Variants in GOLIM4 observed in about 807,000 individuals in gnomAD.
GOLIM4 encodes the protein golgi integral membrane protein 4, also known as 130 kDa golgi-localized phosphoprotein.
In GOLIM4, 71 loss-of-function variants were observed where a neutral mutation model predicts 107.4. The ratio of observed to expected loss-of-function variants is 0.66; its 90% CI spans 0.55 to 0.81. The LOEUF (loss-of-function observed/expected upper bound fraction) is 0.81, where lower values mean the gene tolerates loss of function less well. Among genes scored for constraint, GOLIM4 ranks in the 30% least tolerant of loss-of-function variants. The probability of loss-of-function intolerance (pLI) is 0.00; values close to 1 mark genes in which losing one functional copy is unlikely to be tolerated. For synonymous variants in GOLIM4, 327 were observed against 294.8 expected, an observed-to-expected ratio of 1.11 and a Z score of -1.12; for missense variants, 830 against 826.1, an observed-to-expected ratio of 1.00 and a Z score of -0.06.
intron 11 of GOLIM4, among the ~76,000 whole-genome samples, chr3:168,028,517 C>T (rs1560074900): frequency 2.0e-5 from 3 of 152,194 alleles, no homozygotes; most frequent in South Asian, 2.1e-4. Flanking sequence ...AATGATGATA[C>T]GGGGTAACTT....
At chr3:168,034,562 A>G (rs560850702) in intron 8 of GOLIM4, among the ~76,000 whole-genome samples, 32 of 152,234 alleles carry the variant, frequency 2.1e-4, no homozygotes, top group Non-Finnish European at 4.1e-4. Flanking sequence ...AATTATTCCC[A>G]TAACTTGGAG....
intron 1 of GOLIM4, among the ~76,000 whole-genome samples, chr3:168,068,551 G>A (rs993804521): frequency 5.9e-5 from 9 of 151,616 alleles, no homozygotes; most frequent in East Asian, 1.9e-4. Flanking sequence ...GTAAGATACC[G>A]CAATGTTAAC....
At chr3:168,043,634 A>G in intron 4 of GOLIM4, 105 bp from the exon 5 acceptor site, 1 of 828,894 alleles carries the variant, frequency 1.2e-6, no homozygotes. Flanking sequence ...AAGCAAGCAC[A>G]AACACATGAA....
In GOLIM4 at chr3:168,015,940, G is replaced by A. The variant is rs1203545774; in HGVS notation, c.1861-5117C>T. On this transcript the variant is annotated intron_variant, in intron 14 of 15. Coordinates refer to ENST00000470487, the MANE Select transcript of GOLIM4 (RefSeq NM_014498.5). Reference sequence around the variant, plus strand: ...TTAGACCTAAAACCATAAAAACCCTGGAAGAAAACCTAGGCATTACCATTC... The same window carrying A: ...TTAGACCTAAAACCATAAAAACCCTAGAAGAAAACCTAGGCATTACCATTC... 4.2e-4 allele frequency among the ~76,000 whole-genome samples: 55 copies of A among 132,152 alleles called. 2 individuals carry two copies. The highest frequency in any genetic ancestry group is 6.2e-4 in the Non-Finnish European group (42 of 67,246). The allele number at this position is 132,152 out of a possible 152,430, so 86.7% of individuals were successfully genotyped here.
At chr3:168,010,479 C>A in intron 15 of GOLIM4, 61 bp from the exon 16 acceptor site, 1 of 1,171,582 alleles carries the variant, frequency 8.5e-7, no homozygotes, top group East Asian at 2.4e-5. Flanking sequence ...ATAAATAATT[C>A]TCTCTAAAAA....
At chr3:168,038,913 G>A (rs1718811290) in intron 7 of GOLIM4, among the ~76,000 whole-genome samples, 1 of 152,152 alleles carries the variant, frequency 6.6e-6, no homozygotes, top group Non-Finnish European at 1.5e-5. Flanking sequence ...CCCTTGCAAA[G>A]GGATCCAGGA....
intron 5 of GOLIM4, among the ~76,000 whole-genome samples, chr3:168,041,709 T>C (rs1719014038): frequency 6.6e-6 from 1 of 152,084 alleles, no homozygotes; most frequent in Non-Finnish European, 1.5e-5. Context: ...AACTTTTGCA[T>C]GACAGACAAA....
intron 7 of GOLIM4, among the ~76,000 whole-genome samples, chr3:168,038,460 A>T (rs1012005156): frequency 2.0e-5 from 3 of 152,190 alleles, no homozygotes; most frequent in African/African-American, 7.2e-5. Context: ...TGATGCAGGA[A>T]GTCTCAAAAA....
At chr3:168,059,592 CT>C (rs1225013033) in intron 1 of GOLIM4, among the ~76,000 whole-genome samples, 3 of 152,094 alleles carry the variant, frequency 2.0e-5, no homozygotes, top group African/African-American at 7.2e-5. Flanking sequence ...TGGGGACATA[CT>C]GTAAGTAAAA....
intron 1 of GOLIM4, among the ~76,000 whole-genome samples, chr3:168,091,935 C>G (rs138670652): frequency 1.3e-3 from 191 of 152,250 alleles, no homozygotes; most frequent in Non-Finnish European, 2.4e-3. Context: ...AGTAAATGCA[C>G]GGAAAGGCTC....
At chr3:168,037,738 G>A (rs1718743495) in intron 7 of GOLIM4, among the ~76,000 whole-genome samples, 2 of 152,018 alleles carry the variant, frequency 1.3e-5, no homozygotes, top group East Asian at 3.9e-4. Context: ...TGGGATGTGT[G>A]GATGTCTGTG....
intron 1 of GOLIM4, among the ~76,000 whole-genome samples, chr3:168,048,723 G>T (rs1270107716): frequency 5.3e-5 from 8 of 149,772 alleles, no homozygotes; most frequent in African/African-American, 1.2e-4. Flanking sequence ...ACCATCATCT[G>T]CAAAGCAGTT....
chr3:168,058,102 G>A (rs777610399), intron 1 of GOLIM4, among the ~76,000 whole-genome samples: 9 of 152,096 alleles, frequency 5.9e-5, no homozygotes, highest in Non-Finnish European at 1.2e-4. Context: ...AGAAAAAAAA[G>A]AACATTCAGA....
intron 7 of GOLIM4, among the ~76,000 whole-genome samples, chr3:168,037,449 CAT>C (rs1219271046): frequency 1.8e-5 from 2 of 114,264 alleles, no homozygotes; most frequent in Non-Finnish European, 4.2e-5. Flanking sequence ...TTTAAATACA[CAT>C]ACACACACAC....
intron 1 of GOLIM4, among the ~76,000 whole-genome samples, chr3:168,055,565 G>A (rs1332272893): frequency 2.6e-5 from 4 of 152,052 alleles, no homozygotes; most frequent in South Asian, 4.2e-4. Context: ...TTGGGAGGCC[G>A]AGGTGGAGGG....
intron 1 of GOLIM4, among the ~76,000 whole-genome samples, chr3:168,059,466 T>C (rs7626191): frequency 0.19 from 29,129 of 152,162 alleles, 2,948 homozygotes; most frequent in Middle Eastern, 0.24. Context: ...AAAAAGATGC[T>C]ATTTAAGATC....
intron 1 of GOLIM4, among the ~76,000 whole-genome samples, chr3:168,070,200 T>C (rs1205126789): frequency 6.6e-6 from 1 of 152,182 alleles, no homozygotes; most frequent in Non-Finnish European, 1.5e-5. Flanking sequence ...GAGACCATCC[T>C]GGCTAACATG....
At chr3:168,049,370 GAA>G (rs1719492149) in intron 1 of GOLIM4, among the ~76,000 whole-genome samples, 1 of 152,192 alleles carries the variant, frequency 6.6e-6, no homozygotes, top group Admixed American at 6.5e-5. Context: ...TAATCTGAGA[GAA>G]GTTAGTGAAG....
chr3:168,087,855 T>C (rs1005781707), intron 1 of GOLIM4, among the ~76,000 whole-genome samples: 1 of 152,192 alleles, frequency 6.6e-6, no homozygotes, highest in African/African-American at 2.4e-5. Context: ...TGTAATAAGC[T>C]TAGCATTGAA....
Sources: allele counts gnomAD v4.1 joint callset (sites outside exome capture counted in the v4.1 genomes callset), GRCh38; gene constraint gnomAD v4.1.1; transcripts MANE v1.5; gene names NCBI Gene and HGNC (gene_info 2026-07-23, HGNC 2026-07-21).